Variants in HS6ST1 observed in about 807,000 individuals in gnomAD.
The protein encoded by HS6ST1 is heparan-sulfate 6-O-sulfotransferase 1.
In HS6ST1, 3 loss-of-function variants were observed where a neutral mutation model predicts 25.2. That is an observed-to-expected ratio of 0.12 (90% CI 0.05 to 0.31). HS6ST1 has a LOEUF of 0.31. Among genes scored for constraint, HS6ST1 ranks in the 10% least tolerant of loss-of-function variants. HS6ST1 has a pLI of 1.00. For synonymous variants in HS6ST1, 204 were observed against 275.1 expected (o/e 0.74, Z 2.56); for missense variants, 310 against 609.6 (o/e 0.51, Z 5.18).
chr2:128,273,373 G>T (rs1693641120), intron 1 of HS6ST1, among the ~76,000 whole-genome samples: 1 of 152,356 alleles, frequency 6.6e-6, no homozygotes, highest in East Asian at 1.9e-4. Flanking sequence ...GAAGCTGCCT[G>T]TGAGGCCAGC....
intron 1 of HS6ST1, among the ~76,000 whole-genome samples, chr2:128,309,511 G>A (rs1466014446): frequency 3.3e-5 from 5 of 152,240 alleles, no homozygotes; most frequent in African/African-American, 1.2e-4. Flanking sequence ...GGAGATAACA[G>A]GCCCCTGCCC....
At position 128,318,614 on chromosome 2, in the gene HS6ST1, G is replaced by A. The variant is rs1467838983; in HGVS notation, c.-51C>T. The A allele has an allele frequency of 4.4e-6, 4 of 911,824 alleles. No homozygotes were observed. The highest frequency in any genetic ancestry group is 3.6e-5 in the African/African-American group (2 of 55,800). The allele number at this position is 911,824 out of a possible 1,614,324, so 56.5% of individuals were successfully genotyped here. ...GCGGGGCGCGGGGCCTGGGAGGGCA[G>A]GAGGCGCGGGCGCAGCTGCCTCCGC... On this transcript the variant is annotated 5_prime_UTR_variant, in exon 1 of 2. Transcript: ENST00000259241. This position sits in a 1 kb window ranked among gnomAD's most constrained non-coding sequence, Gnocchi z 5.7.
At chr2:128,303,026 T>C (rs1288733669) in intron 1 of HS6ST1, among the ~76,000 whole-genome samples, 1 of 152,230 alleles carries the variant, frequency 6.6e-6, no homozygotes, top group East Asian at 1.9e-4. Flanking sequence ...CATGTTTCTC[T>C]GGTCCCCCAC....
At position 128,304,718 on chromosome 2, in the gene HS6ST1, A is replaced by T. The variant is rs183588328; in HGVS notation, c.527+13319T>A. Among the ~76,000 whole-genome samples the T allele has an allele frequency of 1.9e-3, 295 of 152,346 alleles. 1 individual carries two copies. Among genetic ancestry groups the T allele is most frequent in the African/African-American group, 6.8e-3 (281 of 41,586 alleles). On this transcript the variant is annotated intron_variant, in intron 1 of 1. Transcript: ENST00000259241. Reference sequence around the variant, plus strand: ...GGCACCCATGTACCAGAGAACAGGGACAGTGACACTGTGTCCCATCAGAGT... The same window carrying T: ...GGCACCCATGTACCAGAGAACAGGGTCAGTGACACTGTGTCCCATCAGAGT...
intron 1 of HS6ST1, among the ~76,000 whole-genome samples, chr2:128,314,814 G>A (rs1201112185): frequency 3.3e-5 from 5 of 152,216 alleles, no homozygotes; most frequent in Non-Finnish European, 1.5e-5. Context: ...TGCCACACTT[G>A]GGCTCCAGAT....
chr2:128,299,719 G>T (rs1337321336), intron 1 of HS6ST1, among the ~76,000 whole-genome samples: 1 of 152,212 alleles, frequency 6.6e-6, no homozygotes, highest in African/African-American at 2.4e-5. Context: ...TGCCTGGAAA[G>T]ACCCCAGCTG....
At chr2:128,314,815 G>A (rs1694337508) in intron 1 of HS6ST1, among the ~76,000 whole-genome samples, 1 of 152,204 alleles carries the variant, frequency 6.6e-6, no homozygotes, top group African/African-American at 2.4e-5. Context: ...GCCACACTTG[G>A]GCTCCAGATG....
intron 1 of HS6ST1, among the ~76,000 whole-genome samples, chr2:128,309,234 G>C (rs1418939991): frequency 6.6e-6 from 1 of 152,216 alleles, no homozygotes; most frequent in Non-Finnish European, 1.5e-5. Context: ...TGCTGTGGAG[G>C]GTGAAGGATA....
intron 1 of HS6ST1, among the ~76,000 whole-genome samples, chr2:128,310,559 G>C (rs35138071): frequency 0.16 from 24,081 of 151,336 alleles, 2,381 homozygotes; most frequent in Non-Finnish European, 0.22. Flanking sequence ...GTCCTGGATG[G>C]TTTTTGCTCC....
In HS6ST1 at chr2:128,266,016, CAGCGAAGAGACTGA is replaced by C. The variant is rs1693505355; in HGVS notation, c.*2132_*2145del. The stretch of plus-strand genomic sequence containing the variant: ...CCGAGAGGAGACTGCTTTCCAAATG[CAGCGAAGAGACTGA>C]GACAAGACCCGTGCTTCCGTGTGAG... On this transcript the variant is annotated 3_prime_UTR_variant, in exon 2 of 2. Coordinates refer to ENST00000259241, the MANE Select transcript of HS6ST1 (RefSeq NM_004807.3). 6.6e-6 allele frequency: 1 copy of C among 151,648 alleles called. No homozygotes were observed. The highest frequency in any genetic ancestry group is 1.5e-5 in the Non-Finnish European group (1 of 67,892). The allele number at this position is 151,648 out of a possible 1,614,324, so 9.4% of individuals were successfully genotyped here.
chr2:128,315,879 G>C (rs952736753), intron 1 of HS6ST1, among the ~76,000 whole-genome samples: 1 of 152,210 alleles, frequency 6.6e-6, no homozygotes, highest in Non-Finnish European at 1.5e-5. Context: ...GAGTGGAGGC[G>C]GAGAAGAGGG....
At chr2:128,269,567 G>A (rs187051782) in intron 1 of HS6ST1, among the ~76,000 whole-genome samples, 5 of 152,370 alleles carry the variant, frequency 3.3e-5, no homozygotes, top group East Asian at 1.9e-4. Flanking sequence ...TCGCTATGAC[G>A]CTGGGCTGGA....
At position 128,266,359 on chromosome 2, in the gene HS6ST1, T is replaced by G. The variant is rs1459556124; in HGVS notation, c.*1803A>C. The stretch of plus-strand genomic sequence containing the variant: ...CCACACCACTAAATCCCCTTGGCAC[T>G]CACTTCCTTAGTGTGATGCATCCAC... On this transcript the variant is annotated 3_prime_UTR_variant, in exon 2 of 2. Transcript: ENST00000259241. 1 of 152,498 alleles carries G rather than the reference T, an allele frequency of 6.6e-6. No homozygotes were observed. The highest frequency in any genetic ancestry group is 2.4e-5 in the African/African-American group (1 of 41,594). 9.4% of individuals were successfully genotyped at this position (152,498 alleles called of 1,614,324 possible). A position where few individuals can be genotyped will look rare whatever the true frequency, so the allele number is the denominator to read the frequency against.
At chr2:128,292,123 G>A (rs1301074192) in intron 1 of HS6ST1, among the ~76,000 whole-genome samples, 1 of 152,194 alleles carries the variant, frequency 6.6e-6, no homozygotes, top group Admixed American at 6.5e-5. Flanking sequence ...AGGCCGGGGG[G>A]GCTGGGCCCA....
intron 1 of HS6ST1, among the ~76,000 whole-genome samples, chr2:128,271,228 C>T (rs1234677178): frequency 6.6e-6 from 1 of 152,258 alleles, no homozygotes; most frequent in Non-Finnish European, 1.5e-5. Context: ...AAGGGCTTGG[C>T]ACCCTGCAGA....
chr2:128,286,018 C>T (rs750549001), intron 1 of HS6ST1, among the ~76,000 whole-genome samples: 2 of 152,200 alleles, frequency 1.3e-5, no homozygotes, highest in Non-Finnish European at 2.9e-5. Flanking sequence ...CACCCTGGCC[C>T]CTCTGAGCCC....
rs2104908342 is a variant in HS6ST1 at position 128,268,188 on chromosome 2, T to C, written c.1210A>G (p.Met404Val). The stretch of plus-strand genomic sequence containing the variant: ...TACCACTTCTCAATGATGTGGCTCA[T>C]GTAGTCCTCGGTGGGCACGCGGCCC... Reference protein sequence around the residue: ...EPGRVPTEDYMSHIIEKW With the variant: ...EPGRVPTEDYVSHIIEKW Residue 404 changes from methionine to valine, a missense_variant, in exon 2 of 2, where the codon ATG (methionine) becomes GTG (valine). Around this residue, in one of 5 missense-constraint regions of HS6ST1, gnomAD observed 140 missense variants for 176.5 expected, o/e 0.79. Transcript: ENST00000259241. 1.9e-6 allele frequency: 3 copies of C among 1,610,150 alleles called. No homozygotes were observed. The highest frequency in any genetic ancestry group is 2.2e-5 in the East Asian group (1 of 44,844).
rs1201741415 is a variant in HS6ST1, at chr2:128,268,861, G to A, written c.537C>T (p.Tyr179=). 1.9e-6 allele frequency: 3 copies of A among 1,608,446 alleles called. No homozygotes were observed. The Admixed American group carries it at 5.0e-5, about 27-fold the overall frequency. Residue 179 remains tyrosine (Y), a synonymous_variant, in exon 2 of 2, where the codon TAC becomes TAT. Transcript: ENST00000259241. ...SAALRTPRKF[Y]YITLLRDPVS... ...CGGGGTCTCGTAGCAGGGTGATGTA[G>A]TAGAACTTCCTGCAAGGAGACGGGG...
At chr2:128,290,303 T>G (rs556777355) in intron 1 of HS6ST1, 1 of 152,152 alleles carries the variant, frequency 6.6e-6, no homozygotes, top group African/African-American at 2.4e-5. Context: ...AAGCAAACCC[T>G]CCTAGACAAG....
Sources: allele counts gnomAD v4.1 joint callset (sites outside exome capture counted in the v4.1 genomes callset), GRCh38; gene constraint gnomAD v4.1.1; regional missense constraint gnomAD v4.1.1; non-coding constraint Gnocchi (gnomAD v3.1); transcripts MANE v1.5; gene names NCBI Gene and HGNC (gene_info 2026-07-23, HGNC 2026-07-21).